CSNK1G1: variants seen among roughly 807,000 people sequenced by gnomAD.
CSNK1G1 encodes the protein casein kinase 1 gamma 1.
Under a neutral mutation model 59.6 loss-of-function variants are expected in CSNK1G1, and 22 were observed. The observed-to-expected ratio is 0.37, with a 90% CI of 0.26 to 0.53. The LOEUF (loss-of-function observed/expected upper bound fraction) is 0.53, where lower values mean the gene tolerates loss of function less well. CSNK1G1 is among the 20% of genes least tolerant of loss of function. The pLI, the probability that CSNK1G1 is intolerant of heterozygous loss-of-function variation, is 0.89. For missense variants in CSNK1G1, 384 were observed against 519.5 expected (o/e 0.74, Z 2.54); for synonymous variants, 179 against 177.1 (o/e 1.01, Z -0.08).
intron 4 of CSNK1G1, among the ~76,000 whole-genome samples, chr15:64,248,232 G>A (rs1171561456): frequency 2.0e-5 from 3 of 152,184 alleles, no homozygotes; most frequent in Non-Finnish European, 4.4e-5. Context: ...GGAATGCTGT[G>A]CCTCTAAGTT....
intron 2 of CSNK1G1, among the ~76,000 whole-genome samples, chr15:64,265,570 CTTTCCTT>C (rs1280337885): frequency 6.6e-6 from 1 of 151,912 alleles, no homozygotes; most frequent in African/African-American, 2.4e-5. Context: ...AATTAAACCT[CTTTCCTT>C]TATAAATTAG....
chr15:64,315,714 C>T (rs1896229899), intron 1 of CSNK1G1: 1 of 152,210 alleles, frequency 6.6e-6, no homozygotes, highest in South Asian at 2.1e-4. Context: ...CATTCATTCC[C>T]ACTGAGCCAA....
chr15:64,301,817 G>A (rs1256733508), intron 1 of CSNK1G1, among the ~76,000 whole-genome samples: 1 of 152,098 alleles, frequency 6.6e-6, no homozygotes, highest in Non-Finnish European at 1.5e-5. Flanking sequence ...AACCTAGGAG[G>A]TGGAGGTGGC....
intron 4 of CSNK1G1, among the ~76,000 whole-genome samples, chr15:64,219,137 G>A (rs1278306252): frequency 6.6e-6 from 1 of 152,282 alleles, no homozygotes; most frequent in Middle Eastern, 3.4e-3. Flanking sequence ...TTACAGGCGT[G>A]AGCCACCACA....
intron 11 of CSNK1G1, among the ~76,000 whole-genome samples, chr15:64,173,102 G>T (rs2140198588): frequency 6.6e-6 from 1 of 152,292 alleles, no homozygotes; most frequent in Non-Finnish European, 1.5e-5. Flanking sequence ...AAACTTTTCT[G>T]AAAAAACTAT....
chr15:64,344,621 A>C (rs1897846839), intron 1 of CSNK1G1, among the ~76,000 whole-genome samples: 1 of 152,326 alleles, frequency 6.6e-6, no homozygotes, highest in East Asian at 1.9e-4. Context: ...TACTTAATTT[A>C]AGTCCACTTA....
At chr15:64,197,187 A>G (rs1291939476) in intron 10 of CSNK1G1, among the ~76,000 whole-genome samples, 1 of 152,244 alleles carries the variant, frequency 6.6e-6, no homozygotes, top group Non-Finnish European at 1.5e-5. Flanking sequence ...GGATAAGATA[A>G]AACCAAGGTC....
Position 64,203,102 on chromosome 15 carries a change from G to A in CSNK1G1, c.1087C>T (p.Gln363Ter). 1 of 1,613,788 alleles carries A rather than the reference G, an allele frequency of 6.2e-7. No homozygotes were observed. Among genetic ancestry groups the A allele is most frequent in the Non-Finnish European group, 8.5e-7 (1 of 1,179,682 alleles). ...CATACCTGATTTCGAAGAGGCTGCT[G>A]TTGTGATGGCCGATCCCTATGTGTG... ...SHTHRDRPSQ[Q>*]QPLRNQVVSS... Residue 363 changes from glutamine (Q) to a stop codon, truncating the protein, a stop_gained, in exon 10 of 12, where the codon CAG (glutamine) becomes TAG (stop). Coordinates refer to ENST00000303052, the MANE Select transcript of CSNK1G1 (RefSeq NM_022048.5). LOFTEE classifies it high-confidence loss of function.
intron 4 of CSNK1G1, among the ~76,000 whole-genome samples, chr15:64,237,816 C>T (rs2082635705): frequency 6.6e-6 from 1 of 152,158 alleles, no homozygotes. Flanking sequence ...ACCAGCACTG[C>T]TTATCTTTTA....
chr15:64,278,418 G>GTGTA (rs1491160345), intron 2 of CSNK1G1, among the ~76,000 whole-genome samples: 21 of 77,738 alleles, frequency 2.7e-4, no homozygotes, highest in African/African-American at 1.0e-3. Context: ...GTGTGTGTGT[G>GTGTA]TATATATATA....
intron 1 of CSNK1G1, among the ~76,000 whole-genome samples, chr15:64,350,598 G>GTATC (rs1270011400): frequency 2.6e-5 from 4 of 152,132 alleles, no homozygotes; most frequent in African/African-American, 9.7e-5. Context: ...ACTTTAAACA[G>GTATC]TATCTGTCAT....
At chr15:64,264,788 C>A (rs557164982) in intron 2 of CSNK1G1, among the ~76,000 whole-genome samples, 3 of 152,310 alleles carry the variant, frequency 2.0e-5, no homozygotes, top group Admixed American at 6.5e-5. Flanking sequence ...ATCATCTCAA[C>A]AGACACAGAA....
chr15:64,313,183 A>T (rs1896085999), intron 1 of CSNK1G1, among the ~76,000 whole-genome samples: 1 of 152,210 alleles, frequency 6.6e-6, no homozygotes, highest in Non-Finnish European at 1.5e-5. Flanking sequence ...ATTGTGGAAG[A>T]CAGTGTGGCA....
intron 1 of CSNK1G1, among the ~76,000 whole-genome samples, chr15:64,319,073 A>G (rs1288298378): frequency 6.6e-6 from 1 of 151,070 alleles, no homozygotes; most frequent in African/African-American, 2.4e-5. Flanking sequence ...GCTGGTCTCC[A>G]ACTCCTGGGC....
At chr15:64,272,497 G>A (rs1233455216) in intron 2 of CSNK1G1, among the ~76,000 whole-genome samples, 1 of 151,834 alleles carries the variant, frequency 6.6e-6, no homozygotes, top group East Asian at 2.0e-4. Flanking sequence ...GATTACAGGT[G>A]TGAGACACCA....
rs151254602 is a variant in CSNK1G1, at chr15:64,308,215, C to T, written c.-224-7492G>A. Among the ~76,000 whole-genome samples the T allele has an allele frequency of 3.0e-3, 461 of 152,188 alleles. 1 individual carries two copies. The highest frequency in any genetic ancestry group is 0.011 in the African/African-American group (444 of 41,514). ...CCCTTACTTTTTTCAGTGAAAACAA[C>T]TAATCTCAATTTCATAAATTCGTCT... is the stretch of plus-strand genomic sequence containing the variant. On this transcript the variant is annotated intron_variant, in intron 1 of 11. Coordinates refer to ENST00000303052, the MANE Select transcript of CSNK1G1 (RefSeq NM_022048.5).
intron 2 of CSNK1G1, among the ~76,000 whole-genome samples, chr15:64,269,152 A>C (rs1427348122): frequency 1.3e-5 from 2 of 152,198 alleles, no homozygotes; most frequent in Non-Finnish European, 2.9e-5. Flanking sequence ...TTAACATTAC[A>C]AGTGTTTTGG....
At chr15:64,277,570 TAATA>T (rs1010019999) in intron 2 of CSNK1G1, among the ~76,000 whole-genome samples, 3 of 145,106 alleles carry the variant, frequency 2.1e-5, no homozygotes, top group African/African-American at 5.0e-5. Context: ...AAATTTAATA[TAATA>T]AATATATTAA....
At chr15:64,208,894 T>C (rs1294986697) in intron 6 of CSNK1G1, among the ~76,000 whole-genome samples, 3 of 151,218 alleles carry the variant, frequency 2.0e-5, no homozygotes, top group South Asian at 2.1e-4. Context: ...TTTTTCTTTT[T>C]TTTTTTTTTT....
Sources: allele counts gnomAD v4.1 joint callset (sites outside exome capture counted in the v4.1 genomes callset), GRCh38; gene constraint gnomAD v4.1.1; transcripts MANE v1.5; gene names NCBI Gene and HGNC (gene_info 2026-07-23, HGNC 2026-07-21).